Variants in ASPM observed in about 807,000 individuals in gnomAD.
ASPM encodes the protein abnormal spindle-like microcephaly-associated protein.
ASPM carries 256 observed loss-of-function variants against 366.4 expected under a neutral mutation model. The ratio of observed to expected loss-of-function variants is 0.70; its 90% CI spans 0.63 to 0.77. The LOEUF (loss-of-function observed/expected upper bound fraction) is 0.77, where lower values mean the gene tolerates loss of function less well. ASPM is among the 30% of genes least tolerant of loss of function. The pLI is 0.00. For missense variants in ASPM, 4,146 were observed against 4,090.4 expected (o/e 1.01, Z -0.37); for synonymous variants, 1,414 against 1,342.9 (o/e 1.05, Z -1.16).
chr1:197,118,787 T>C (rs906903813), intron 16 of ASPM, among the ~76,000 whole-genome samples: 9 of 152,192 alleles, frequency 5.9e-5, no homozygotes, highest in South Asian at 2.1e-4. Flanking sequence ...ATTGGTAATA[T>C]AGCCAGGATA....
intron 26 of ASPM, among the ~76,000 whole-genome samples, chr1:197,087,484 T>A (rs929719715): frequency 6.6e-6 from 1 of 152,172 alleles, no homozygotes; most frequent in Admixed American, 6.6e-5. Flanking sequence ...GGAAGATAAA[T>A]ATTCAAAAGT....
chr1:197,088,244 A>ACTTTCT lies in ASPM; in HGVS notation c.10161+11_10161+12insAGAAAG. 1 of 1,611,186 alleles carries ACTTTCT rather than the reference A, an allele frequency of 6.2e-7. No individual in the cohort carries two copies. The highest frequency in any genetic ancestry group is 8.5e-7 in the Non-Finnish European group (1 of 1,177,964). Reference sequence around the variant, plus strand: ...AAATAATCTTAAAGAAAGGCAACTGACTAATACTTACAGAGGCTCTATTTG... The same window carrying ACTTTCT: ...AAATAATCTTAAAGAAAGGCAACTGACTTTCTCTAATACTTACAGAGGCTCTATTTG... On this transcript the variant is annotated intron_variant, in intron 26 of 27. Transcript: ENST00000367409.
chr1:197,087,189 C>T (rs561580294), intron 26 of ASPM, among the ~76,000 whole-genome samples: 32 of 152,202 alleles, frequency 2.1e-4, no homozygotes, highest in African/African-American at 7.7e-4. Flanking sequence ...ATTCTCCTGC[C>T]TCAGTCTCCC....
chr1:197,122,554 T>A lies in ASPM; in HGVS notation c.3432A>T (p.Leu1144Phe). 6.2e-7 allele frequency: 1 copy of A among 1,612,614 alleles called. No individual in the cohort carries two copies. Among genetic ancestry groups the A allele is most frequent in the Non-Finnish European group, 8.5e-7 (1 of 1,179,334 alleles). ...FTVSFSDGRVLCYLIHHYHPC... is the reference protein window; with the variant it reads ...FTVSFSDGRVFCYLIHHYHPC... ...GATGGTAATGGTGGATCAGGTAACA[T>A]AACACACGGCCGTCTGAGAAAGACA... The change falls in exon 14 of 28, where the codon TTA becomes TTT. Residue 1144 changes from leucine to phenylalanine, a missense_variant. Leu to Phe is a conservative substitution (Grantham distance 22). Transcript: ENST00000367409.
intron 17 of ASPM, among the ~76,000 whole-genome samples, chr1:197,106,132 A>T (rs1052723423): frequency 1.3e-5 from 2 of 152,034 alleles, no homozygotes; most frequent in African/African-American, 2.4e-5. Flanking sequence ...TGGCCTAAGC[A>T]TACCTATCCA....
Position 197,101,321 on chromosome 1 carries a change from A to T in ASPM, c.7930T>A (p.Tyr2644Asn), listed in dbSNP as rs1350051548. The T allele has an allele frequency of 2.2e-5, 35 of 1,611,552 alleles. No individual in the cohort carries two copies. The highest frequency in any genetic ancestry group is 2.9e-5 in the Non-Finnish European group (34 of 1,178,944). ...HCKAFKIRKH[Y>N]LHLRATVVSI... ...ACTACTGTTGCTCTAAGGTGGAGATAATGCTTCCTTATTTTAAAGGCTTTA... is the reference window on the plus strand; with the variant it reads ...ACTACTGTTGCTCTAAGGTGGAGATTATGCTTCCTTATTTTAAAGGCTTTA... Residue 2644 changes from tyrosine to asparagine, a missense_variant, in exon 18 of 28, where the codon TAT (tyrosine) becomes AAT (asparagine). Tyr to Asn is a moderately radical substitution (Grantham distance 143). This residue lies in a region of ASPM where 3,624 missense variants were observed against 3,591.7 expected (regional missense o/e 1.01). Transcript: ENST00000367409.
chr1:197,108,572 T>C (rs1480494089), intron 17 of ASPM, among the ~76,000 whole-genome samples: 1 of 152,148 alleles, frequency 6.6e-6, no homozygotes, highest in Non-Finnish European at 1.5e-5. Context: ...ATATACTTTG[T>C]ATATACATAT....
intron 6 of ASPM, among the ~76,000 whole-genome samples, chr1:197,133,078 G>A (rs2125109276): frequency 6.6e-6 from 1 of 152,258 alleles, no homozygotes; most frequent in African/African-American, 2.4e-5. Flanking sequence ...GTTAATAACA[G>A]TGACTTGTAT....
At position 197,103,329 on chromosome 1, in the gene ASPM, A is replaced by G. The variant is rs1657268910; in HGVS notation, c.5922T>C (p.Ala1974=). ...TTCTATAGTATGACTGTATGATGAT[A>G]GCACATTTATGTTGCCTTTGAAGCT... ...RRQLQRQHKC[A]IIIQSYYRMH... Residue 1974 remains alanine, a synonymous_variant, in exon 18 of 28, where the codon GCT becomes GCC. Coordinates refer to ENST00000367409, the MANE Select transcript of ASPM (RefSeq NM_018136.5). 1.2e-6 allele frequency: 2 copies of G among 1,613,126 alleles called. No homozygotes were observed. The highest frequency in any genetic ancestry group is 2.7e-5 in the African/African-American group (2 of 74,830).
chr1:197,133,710 C>A, intron 5 of ASPM, 115 bp from the exon 6 acceptor site: 1 of 1,195,142 alleles, frequency 8.4e-7, no homozygotes, highest in South Asian at 1.4e-5. Context: ...TCCTCACCCA[C>A]TCCAAGCTTA....
In ASPM at chr1:197,122,224, C is replaced by T. The variant is rs765348667; in HGVS notation, c.3676G>A (p.Asp1226Asn). 3.7e-6 allele frequency: 6 copies of T among 1,612,690 alleles called. No individual in the cohort carries two copies. The Admixed American group carries it at 1.0e-4, about 27-fold the overall frequency. The change falls in exon 15 of 28, where the codon GAC becomes AAC. Residue 1226 changes from aspartate (D) to asparagine (N), a missense_variant. Physicochemically the swap from Asp to Asn is conservative, Grantham distance 23. Around this residue, in one of 3 missense-constraint regions of ASPM, gnomAD observed 3,624 missense variants for 3,591.7 expected, o/e 1.01. Coordinates refer to ENST00000367409, the MANE Select transcript of ASPM (RefSeq NM_018136.5). ...NFHLVRSAVR[D>N]LGGIPAMINH... ...ATCATAGCAGGTATTCCACCAAGGT[C>T]TCTAACTGCAGACCTAACCAAGTGA...
chr1:197,102,602 T>C lies in ASPM; in HGVS notation c.6649A>G (p.Lys2217Glu), dbSNP rs1488076203. The stretch of plus-strand genomic sequence containing the variant: ...GCCCAGTATCTTTGCTGTACTGTTT[T>C]TGTTATTTTCTTTAACTTATTAAAG... Reference protein sequence around the residue: ...TYFNKLKKITKTVQQRYWAMK... With the variant: ...TYFNKLKKITETVQQRYWAMK... Residue 2217 changes from lysine to glutamate, a missense_variant, in exon 18 of 28, where the codon AAA becomes GAA. Coordinates refer to ENST00000367409, the MANE Select transcript of ASPM (RefSeq NM_018136.5). 1.2e-6 allele frequency: 2 copies of C among 1,612,538 alleles called. No individual in the cohort carries two copies. The highest frequency in any genetic ancestry group is 1.7e-6 in the Non-Finnish European group (2 of 1,179,246).
Position 197,101,645 on chromosome 1 carries a change from C to T in ASPM, c.7606G>A (p.Val2536Ile), listed in dbSNP as rs747231799. The change falls in exon 18 of 28, where the codon GTT becomes ATT. Residue 2536 changes from valine to isoleucine, a missense_variant. Val to Ile is a conservative substitution (Grantham distance 29). This residue lies in a region of ASPM where 3,624 missense variants were observed against 3,591.7 expected (regional missense o/e 1.01). Transcript: ENST00000367409. The stretch of plus-strand genomic sequence containing the variant: ...ATTCCTTTATATGCAGCCTGAATAA[C>T]CACAGCAGAATGCCATTGTCTGATA... Reference protein sequence around the residue: ...NYIRQWHSAVVIQAAYKGMKA... With the variant: ...NYIRQWHSAVIIQAAYKGMKA... 6.2e-7 allele frequency: 1 copy of T among 1,611,738 alleles called. No individual in the cohort carries two copies. Among genetic ancestry groups the T allele is most frequent in the Non-Finnish European group, 8.5e-7 (1 of 1,179,056 alleles).
intron 1 of ASPM, among the ~76,000 whole-genome samples, chr1:197,145,581 C>G (rs1412901641): frequency 6.6e-6 from 1 of 151,858 alleles, no homozygotes; most frequent in Non-Finnish European, 1.5e-5. Context: ...AACTAAAATG[C>G]ATATTAAGAT....
Position 197,105,173 on chromosome 1 carries a change from T to C in ASPM, c.4078A>G (p.Arg1360Gly), listed in dbSNP as rs1657372162. The change falls in exon 18 of 28, where the codon AGA (arginine) becomes GGA (glycine). Residue 1360 changes from arginine (R) to glycine (G), a missense_variant. This residue lies in a region of ASPM where 3,624 missense variants were observed against 3,591.7 expected (regional missense o/e 1.01). Coordinates refer to ENST00000367409, the MANE Select transcript of ASPM (RefSeq NM_018136.5). ...AGAAATCTTTGTCTAGTGGAATATCTTCTCCAATATCCCTGGAAAAGGTAA... is the reference window on the plus strand; with the variant it reads ...AGAAATCTTTGTCTAGTGGAATATCCTCTCCAATATCCCTGGAAAAGGTAA... ...AASLIQGYWR[R>G]YSTRQRFLKL... 1 of 1,604,056 alleles carries C rather than the reference T, an allele frequency of 6.2e-7. No individual in the cohort carries two copies. Among genetic ancestry groups the C allele is most frequent in the Non-Finnish European group, 8.5e-7 (1 of 1,172,110 alleles).
At chr1:197,117,638 C>T (rs536492756) in intron 17 of ASPM, 151 bp downstream of exon 17, 93 of 696,744 alleles carry the variant, frequency 1.3e-4, no homozygotes, top group South Asian at 1.0e-3. Context: ...AACACCATAA[C>T]GAGCTTTTCA....
rs368810727 is a variant in ASPM, at chr1:197,143,402, C to A, written c.850G>T (p.Val284Leu). 1 of 1,613,768 alleles carries A rather than the reference C, an allele frequency of 6.2e-7. No homozygotes were observed. The highest frequency in any genetic ancestry group is 1.3e-5 in the African/African-American group (1 of 74,882). ...KAVTETSFNS[V>L]NVNGQRGENS... ...TCTCCTCTTTGGCCATTAACATTTA[C>A]GGAATTAAAGGAAGTTTCAGTTACA... The change falls in exon 3 of 28, where the codon GTA becomes TTA. Residue 284 changes from valine to leucine, a missense_variant. Physicochemically the swap from Val to Leu is conservative, Grantham distance 32. Around this residue, in one of 3 missense-constraint regions of ASPM, gnomAD observed 512 missense variants for 471.7 expected, o/e 1.09. Transcript: ENST00000367409.
At chr1:197,135,327 T>C (rs1571624710) in intron 4 of ASPM, 85 bp from the exon 5 acceptor site, 2 of 1,278,442 alleles carry the variant, frequency 1.6e-6, no homozygotes, top group Non-Finnish European at 2.3e-6. Context: ...TTACTAGCAA[T>C]ACCATCTTTA....
rs1031705307 is a variant in ASPM, at chr1:197,117,091, A to T, written c.4065+698T>A. Among the ~76,000 whole-genome samples the T allele has an allele frequency of 1.8e-4, 27 of 152,216 alleles. No homozygotes were observed. In the Middle Eastern group the frequency reaches 0.01, roughly 58 times the overall value. ...ATATTTTACATGTTAAAAAAAGGTT[A>T]AAAAAGACAATTATTTAAGTCAGAG... On this transcript the variant is annotated intron_variant, in intron 17 of 27. Coordinates refer to ENST00000367409, the MANE Select transcript of ASPM (RefSeq NM_018136.5).
Sources: gnomAD v4.1 joint callset for allele counts (sites outside exome capture counted in the v4.1 genomes callset) on GRCh38, gnomAD v4.1.1 for gene constraint, gnomAD v4.1.1 regional missense constraint, MANE v1.5 for transcripts, NCBI Gene and HGNC (gene_info 2026-07-23, HGNC 2026-07-21) for gene names.